The following LRP6 variants were observed in gnomAD, a reference collection of about 807,000 sequenced individuals.
LRP6 encodes the protein LDL receptor related protein 6, also known as low-density lipoprotein receptor-related protein 6.
LRP6 carries 43 observed loss-of-function variants against 184.1 expected under a neutral mutation model. The ratio of observed to expected loss-of-function variants is 0.23; its 90% CI spans 0.18 to 0.30. The LOEUF (loss-of-function observed/expected upper bound fraction) is 0.30, where lower values mean the gene tolerates loss of function less well. Ranked by LOEUF, LRP6 falls within the 10% of genes least tolerant of loss-of-function variation. LRP6 has a pLI of 1.00. For synonymous variants in LRP6, 719 were observed against 684.9 expected (o/e 1.05, Z -0.78); for missense variants, 1,571 against 2,005.3 (o/e 0.78, Z 4.14).
chr12:12,188,472 T>A (rs149513168), intron 3 of LRP6, among the ~76,000 whole-genome samples: 21 of 152,254 alleles, frequency 1.4e-4, no homozygotes, highest in African/African-American at 4.8e-4. Context: ...GATTCAATTT[T>A]CAGGTCCTTG....
At chr12:12,221,409 G>C (rs1591960642) in intron 2 of LRP6, among the ~76,000 whole-genome samples, 1 of 152,044 alleles carries the variant, frequency 6.6e-6, no homozygotes, top group Admixed American at 6.6e-5. Flanking sequence ...GCATGTTTAA[G>C]ACTATGCACC....
intron 7 of LRP6, among the ~76,000 whole-genome samples, chr12:12,175,480 G>T (rs1863151675): frequency 6.6e-6 from 1 of 151,894 alleles, no homozygotes; most frequent in African/African-American, 2.4e-5. Context: ...CAGGTCAGGA[G>T]ATCGAGACCA....
intron 19 of LRP6, among the ~76,000 whole-genome samples, chr12:12,128,599 G>T (rs1949705561): frequency 6.6e-6 from 1 of 152,120 alleles, no homozygotes; most frequent in South Asian, 2.1e-4. Context: ...ATTTCTCCTA[G>T]ATTCCAGGGG....
chr12:12,137,744 A>C (rs1348444972), intron 16 of LRP6, among the ~76,000 whole-genome samples: 1 of 152,214 alleles, frequency 6.6e-6, no homozygotes, highest in Non-Finnish European at 1.5e-5. Flanking sequence ...CATGATAAGC[A>C]GTCATTGTTG....
intron 13 of LRP6, 68 bp from the exon 14 acceptor site, chr12:12,149,221 C>G: frequency 1.7e-6 from 2 of 1,181,092 alleles, no homozygotes; most frequent in Non-Finnish European, 1.3e-6. Context: ...CAATCAGTCA[C>G]AATGCTTACA....
intron 2 of LRP6, among the ~76,000 whole-genome samples, chr12:12,222,789 C>G (rs896395890): frequency 6.6e-6 from 1 of 151,950 alleles, no homozygotes; most frequent in East Asian, 1.9e-4. Flanking sequence ...GAGAATAAAA[C>G]CAAAATACTA....
At chr12:12,129,151 G>C (rs1009634825) in intron 19 of LRP6, among the ~76,000 whole-genome samples, 2 of 152,172 alleles carry the variant, frequency 1.3e-5, no homozygotes, top group Non-Finnish European at 2.9e-5. Flanking sequence ...TCACATCTCT[G>C]TATTCCTCTT....
rs1949542127 is a variant in LRP6, at chr12:12,118,122, T to C, written c.*3004A>G. 1 of 152,240 alleles carries C rather than the reference T, an allele frequency of 6.6e-6. No homozygotes were observed. The highest frequency in any genetic ancestry group is 2.4e-5 in the African/African-American group (1 of 41,466). The allele number at this position is 152,240 out of a possible 1,614,324, so 9.4% of individuals were successfully genotyped here. The stretch of plus-strand genomic sequence containing the variant: ...CTTCTGCTAAACAGATATCTTGTGA[T>C]ATGCTGTAAGAGTGGCAGAAAGTGC... On this transcript the variant is annotated 3_prime_UTR_variant, in exon 23 of 23. Coordinates refer to ENST00000261349, the MANE Select transcript of LRP6 (RefSeq NM_002336.3).
intron 10 of LRP6, among the ~76,000 whole-genome samples, chr12:12,161,110 A>C (rs1862731357): frequency 2.0e-5 from 3 of 152,250 alleles, no homozygotes; most frequent in Non-Finnish European, 4.4e-5. Context: ...CCAACTATTA[A>C]ATTTATCTGT....
In LRP6 at chr12:12,165,067, G is replaced by T; in HGVS notation, c.1762+12C>A. 6.3e-7 allele frequency: 1 copy of T among 1,596,530 alleles called. No homozygotes were observed. The highest frequency in any genetic ancestry group is 8.6e-7 in the Non-Finnish European group (1 of 1,164,832). ...TGGTTCCCATTTCTAAGAAAGCTTT[G>T]GAGTTACTCACCAATCACTCGATGA... On this transcript the variant is annotated intron_variant, in intron 8 of 22. Coordinates refer to ENST00000261349, the MANE Select transcript of LRP6 (RefSeq NM_002336.3).
chr12:12,186,833 C>G lies in LRP6; in HGVS notation c.844+90G>C, dbSNP rs914215121. On this transcript the variant is annotated intron_variant, in intron 4 of 22. Coordinates refer to ENST00000261349, the MANE Select transcript of LRP6 (RefSeq NM_002336.3). ...TTCCCGCCAACTATCTTTGGATATG[C>G]CCTCCCTCCTCCTGATCCTCACTAA... 6 of 1,096,526 alleles carry G rather than the reference C, an allele frequency of 5.5e-6. No homozygotes were observed. In the African/African-American group the frequency reaches 7.7e-5, roughly 14 times the overall value. 67.9% of individuals were successfully genotyped at this position (1,096,526 alleles called of 1,614,324 possible).
chr12:12,230,163 C>T (rs1394983307), intron 2 of LRP6, among the ~76,000 whole-genome samples: 1 of 152,086 alleles, frequency 6.6e-6, no homozygotes, highest in African/African-American at 2.4e-5. Context: ...AGCAAGTAAA[C>T]ATATATTAAG....
intron 1 of LRP6, among the ~76,000 whole-genome samples, chr12:12,260,737 GGAAAT>G (rs1304504823): frequency 6.6e-6 from 1 of 152,200 alleles, no homozygotes; most frequent in Non-Finnish European, 1.5e-5. Flanking sequence ...TAACAGGAAA[GGAAAT>G]AACTTGTCCA....
intron 2 of LRP6, among the ~76,000 whole-genome samples, chr12:12,230,488 G>C (rs1472367108): frequency 1.3e-5 from 2 of 151,904 alleles, no homozygotes; most frequent in Admixed American, 1.3e-4. Context: ...GACTAATTAA[G>C]ACATTGAGAC....
chr12:12,154,480 CTA>C (rs1000447110), intron 12 of LRP6, among the ~76,000 whole-genome samples: 9 of 152,328 alleles, frequency 5.9e-5, no homozygotes, highest in African/African-American at 1.4e-4. Flanking sequence ...TCATTCACTG[CTA>C]TGTTTTCCAA....
chr12:12,240,369 C>G (rs981230239), intron 2 of LRP6, among the ~76,000 whole-genome samples: 5 of 152,012 alleles, frequency 3.3e-5, no homozygotes, highest in Admixed American at 6.6e-5. Flanking sequence ...GTCAGGAGAT[C>G]GAGACCATCC....
intron 6 of LRP6, among the ~76,000 whole-genome samples, chr12:12,180,693 C>A (rs73291586): frequency 0.039 from 5,926 of 152,144 alleles, 373 homozygotes; most frequent in African/African-American, 0.14. Flanking sequence ...CTATAAAGTA[C>A]TGAAAATGGA....
rs368313856 is a variant in LRP6 at position 12,149,124 on chromosome 12, C to T, written c.3024G>A (p.Pro1008=). 1.4e-4 allele frequency: 218 copies of T among 1,613,666 alleles called. 2 individuals are homozygous for T. The highest frequency in any genetic ancestry group is 1.3e-3 in the South Asian group (115 of 91,048). The change falls in exon 14 of 23, where the codon CCG becomes CCA. Residue 1008 remains proline, a synonymous_variant. Coordinates refer to ENST00000261349, the MANE Select transcript of LRP6 (RefSeq NM_002336.3). ...AGGGTTGTATTTCCAGGTTCTGACT[C>T]GGAACTGAGCTCACAACCACAGTAA... ...QGFTVVVSSV[P]SQNLEIQPYD...
chr12:12,233,937 T>C (rs1256166096), intron 2 of LRP6, among the ~76,000 whole-genome samples: 1 of 152,098 alleles, frequency 6.6e-6, no homozygotes, highest in Non-Finnish European at 1.5e-5. Flanking sequence ...TGGTATACTA[T>C]GCACTGGCAA....
Sources: gnomAD v4.1 joint callset for allele counts (sites outside exome capture counted in the v4.1 genomes callset) on GRCh38, gnomAD v4.1.1 for gene constraint, MANE v1.5 for transcripts, NCBI Gene and HGNC (gene_info 2026-07-23, HGNC 2026-07-21) for gene names.